The following ZNF469 variants were observed in gnomAD, a reference collection of about 807,000 sequenced individuals.
ZNF469 encodes the protein zinc finger protein 469.
In ZNF469, 1 loss-of-function variant was observed where a neutral mutation model predicts 1.0. The ratio of observed to expected loss-of-function variants is 1.00; its 90% CI spans 0.35 to 4.73. The LOEUF (loss-of-function observed/expected upper bound fraction) is 4.73. Among genes scored for constraint, ZNF469 ranks in the 30% most tolerant of loss-of-function variants. The pLI, the probability that ZNF469 is intolerant of heterozygous loss-of-function variation, is 0.16. For missense variants in ZNF469, 6,100 were observed against 5,356.3 expected (o/e 1.14, Z -4.33); for synonymous variants, 2,703 against 2,363.4 (o/e 1.14, Z -4.17).
chr16:88,339,816 ACG>A, the ZNF469 span, among the ~76,000 whole-genome samples: 1 of 25,304 alleles, frequency 4.0e-5, no homozygotes, highest in Non-Finnish European at 8.1e-5. Flanking sequence ...TGGCAGGGGG[ACG>A]AGGGGGCAGG....
the ZNF469 span, among the ~76,000 whole-genome samples, chr16:88,117,918 C>T: frequency 1.3e-5 from 2 of 152,292 alleles, no homozygotes; most frequent in African/African-American, 4.8e-5. Flanking sequence ...AGGAGGAGCA[C>T]GAGGGGAGGC....
At chr16:88,335,789 CA>C in the ZNF469 span, among the ~76,000 whole-genome samples, 13 of 152,222 alleles carry the variant, frequency 8.5e-5, no homozygotes, top group Non-Finnish European at 1.8e-4. Context: ...CAATACCACG[CA>C]CATTCGTCCT....
chr16:88,435,889 A>C lies in ZNF469; in HGVS notation c.8419A>C (p.Ser2807Arg). Reference protein sequence around the residue: ...LGPLGFPETSSSPADSTTSSC... With the variant: ...LGPLGFPETSRSPADSTTSSC... ...CCCCCTGGGTTTTCCCGAGACTTCCAGCTCTCCGGCGGACAGCACCACCAG... is the reference window on the plus strand; with the variant it reads ...CCCCCTGGGTTTTCCCGAGACTTCCCGCTCTCCGGCGGACAGCACCACCAG... Residue 2807 changes from serine to arginine, a missense_variant, in exon 3 of 3, where the codon AGC becomes CGC. Ser to Arg is a moderately radical substitution (Grantham distance 110, BLOSUM62 -1). Coordinates refer to ENST00000565624, the MANE Select transcript of ZNF469 (RefSeq NM_001367624.2). 1.3e-6 allele frequency: 2 copies of C among 1,550,122 alleles called. No individual in the cohort carries two copies. Among genetic ancestry groups the C allele is most frequent in the Non-Finnish European group, 1.7e-6 (2 of 1,146,944 alleles).
At chr16:88,311,439 C>G in the ZNF469 span, among the ~76,000 whole-genome samples, 1 of 152,206 alleles carries the variant, frequency 6.6e-6, no homozygotes, top group Non-Finnish European at 1.5e-5. Flanking sequence ...ATAAGAAAGC[C>G]CATGACTGTT....
chr16:88,112,718 C>T, the ZNF469 span, among the ~76,000 whole-genome samples: 754 of 151,550 alleles, frequency 5.0e-3, 5 homozygotes, highest in African/African-American at 0.017. Flanking sequence ...AATATTTCCT[C>T]CCATTCTGTG....
At chr16:88,198,676 G>C in the ZNF469 span, among the ~76,000 whole-genome samples, 14 of 152,306 alleles carry the variant, frequency 9.2e-5, no homozygotes, top group African/African-American at 3.4e-4. Context: ...TTGATGGATG[G>C]GTGGCGAGCA....
the ZNF469 span, among the ~76,000 whole-genome samples, chr16:88,321,197 C>T: frequency 6.6e-6 from 1 of 152,266 alleles, no homozygotes; most frequent in Non-Finnish European, 1.5e-5. Flanking sequence ...TGGGGTGCCC[C>T]CCACCTTGGG....
chr16:88,114,876 G>A, the ZNF469 span, among the ~76,000 whole-genome samples: 1 of 152,240 alleles, frequency 6.6e-6, no homozygotes, highest in Non-Finnish European at 1.5e-5. Context: ...CATTGCTTTG[G>A]GAGGAAGTGG....
chr16:88,312,920 A>G, the ZNF469 span, among the ~76,000 whole-genome samples: 27 of 152,150 alleles, frequency 1.8e-4, no homozygotes, highest in African/African-American at 6.0e-4. Flanking sequence ...GATGGCCTGG[A>G]TGTTTATTTT....
the ZNF469 span, among the ~76,000 whole-genome samples, chr16:88,170,046 C>T: frequency 3.3e-5 from 5 of 152,196 alleles, no homozygotes; most frequent in Non-Finnish European, 4.4e-5. The surrounding 1 kb of genome is among the most constrained non-coding windows in gnomAD (Gnocchi z 4.2). Context: ...GGACAGAGCA[C>T]CCGAGTCCCG....
chr16:88,319,845 G>C, the ZNF469 span, among the ~76,000 whole-genome samples: 2 of 152,182 alleles, frequency 1.3e-5, no homozygotes, highest in African/African-American at 2.4e-5. Flanking sequence ...AGACCAAGCT[G>C]CTGGGTGAGG....
chr16:88,276,242 G>A, the ZNF469 span, among the ~76,000 whole-genome samples: 8 of 152,272 alleles, frequency 5.3e-5, no homozygotes, highest in Admixed American at 3.3e-4. Flanking sequence ...GCCCCTGTGC[G>A]TGTAAGCGAG....
the ZNF469 span, among the ~76,000 whole-genome samples, chr16:88,114,814 A>G: frequency 6.6e-6 from 1 of 152,194 alleles, no homozygotes; most frequent in Non-Finnish European, 1.5e-5. Flanking sequence ...TCCACCTACA[A>G]GCCCAGCAAA....
At chr16:88,337,760 G>A in the ZNF469 span, among the ~76,000 whole-genome samples, 3 of 152,220 alleles carry the variant, frequency 2.0e-5, no homozygotes, top group African/African-American at 7.2e-5. Context: ...CCTGGTGGCT[G>A]ATGGTGTCAG....
At chr16:88,246,168 G>T in the ZNF469 span, among the ~76,000 whole-genome samples, 709 of 152,356 alleles carry the variant, frequency 4.7e-3, 5 homozygotes, top group African/African-American at 0.016. Flanking sequence ...CAGGAGCTCC[G>T]CCTTGCCCAT....
chr16:88,389,834 C>T (rs1190861155), intron 1 of ZNF469, among the ~76,000 whole-genome samples: 2 of 152,160 alleles, frequency 1.3e-5, no homozygotes, highest in Admixed American at 6.5e-5. Context: ...GAGGCTCCCC[C>T]GCTGTGCCTC....
chr16:88,280,228 C>T, the ZNF469 span, among the ~76,000 whole-genome samples: 1 of 150,834 alleles, frequency 6.6e-6, no homozygotes, highest in African/African-American at 2.5e-5. Flanking sequence ...GTTAGTACTG[C>T]ACCACCCTGA....
the ZNF469 span, among the ~76,000 whole-genome samples, chr16:88,259,205 T>C: frequency 6.6e-6 from 1 of 152,138 alleles, no homozygotes; most frequent in Non-Finnish European, 1.5e-5. This position sits in a 1 kb window ranked among gnomAD's most constrained non-coding sequence, Gnocchi z 4.1. Context: ...CCCACCGGCT[T>C]GTGAGTGGGA....
upstream of ZNF469, among the ~76,000 whole-genome samples, chr16:88,380,637 A>G (rs2092519910): frequency 1.4e-5 from 2 of 142,664 alleles, no homozygotes; most frequent in Admixed American, 1.4e-4. Flanking sequence ...GCGCTCACAC[A>G]CATGCACTCA....
Sources: gnomAD v4.1 joint callset for allele counts (sites outside exome capture counted in the v4.1 genomes callset) on GRCh38, gnomAD v4.1.1 for gene constraint, Gnocchi (gnomAD v3.1) non-coding constraint, MANE v1.5 for transcripts, NCBI Gene and HGNC (gene_info 2026-07-23, HGNC 2026-07-21) for gene names.